The following ATXN3 variants were observed in gnomAD, a reference collection of about 807,000 sequenced individuals.
ATXN3 encodes ataxin 3.
ATXN3 carries 28 observed loss-of-function variants against 58.2 expected under a neutral mutation model. The observed-to-expected ratio is 0.48, with a 90% CI of 0.36 to 0.66. ATXN3 has a LOEUF of 0.66. Ranked by LOEUF, ATXN3 falls within the 30% of genes least tolerant of loss-of-function variation. ATXN3 has a pLI of 0.00. For missense variants in ATXN3, 321 were observed against 422.1 expected (o/e 0.76, Z 2.10); for synonymous variants, 113 against 138.5 (o/e 0.82, Z 1.29).
chr14:92,084,466 A>T (rs2062010723), intron 6 of ATXN3, among the ~76,000 whole-genome samples: 1 of 152,212 alleles, frequency 6.6e-6, no homozygotes, highest in African/African-American at 2.4e-5. Context: ...ACTGTGTCTA[A>T]ATATGATTCC....
chr14:92,067,378 C>A (rs1037072321), intron 10 of ATXN3, among the ~76,000 whole-genome samples: 9 of 152,068 alleles, frequency 5.9e-5, no homozygotes, highest in Non-Finnish European at 1.3e-4. Flanking sequence ...TCAGCCCCAC[C>A]CTTTCTCATC....
chr14:92,088,521 A>C (rs1170463859), intron 6 of ATXN3, among the ~76,000 whole-genome samples: 3 of 152,338 alleles, frequency 2.0e-5, no homozygotes, highest in South Asian at 2.1e-4. Context: ...CTGCAAAGAA[A>C]GCAGCATCCT....
In ATXN3 at chr14:92,089,021, C is replaced by CT. The variant is rs397942802; in HGVS notation, c.388-205dup. Among the ~76,000 whole-genome samples the CT allele has an allele frequency of 7.9e-3, 1,148 of 144,438 alleles. 11 individuals carry two copies. The highest frequency in any genetic ancestry group is 0.023 in the African/African-American group (928 of 39,686). The allele number at this position is 144,438 out of a possible 152,430, so 94.8% of individuals were successfully genotyped here. On this transcript the variant is annotated intron_variant, in intron 5 of 10. Coordinates refer to ENST00000644486, the MANE Select transcript of ATXN3 (RefSeq NM_004993.6). ...ACTGCAGATTTATCACTATTAAATA[C>CT]TTTTTTTTTTTTTTGAGAAGAGTCT...
rs1480478025 is a variant in ATXN3 at position 92,061,785 on chromosome 14, T to C, written c.*2535A>G. On this transcript the variant is annotated 3_prime_UTR_variant, in exon 11 of 11. Coordinates refer to ENST00000644486, the MANE Select transcript of ATXN3 (RefSeq NM_004993.6). ...TATGGTTACTTGCACTGGCATCTTTTCATACTGGCCAATCAATTAAGAAAT... is the reference window on the plus strand; with the variant it reads ...TATGGTTACTTGCACTGGCATCTTTCCATACTGGCCAATCAATTAAGAAAT... 1 of 152,254 alleles carries C rather than the reference T, an allele frequency of 6.6e-6. No homozygotes were observed. The highest frequency in any genetic ancestry group is 1.5e-5 in the Non-Finnish European group (1 of 68,048). The allele number at this position is 152,254 out of a possible 1,614,324, so 9.4% of individuals were successfully genotyped here.
intron 9 of ATXN3, 31 bp downstream of exon 9, chr14:92,080,933 CA>C: frequency 6.8e-7 from 1 of 1,481,138 alleles, no homozygotes. Context: ...AAATATTAAA[CA>C]TGCTACTTTA....
intron 9 of ATXN3, among the ~76,000 whole-genome samples, chr14:92,077,995 G>A (rs1432809093): frequency 6.9e-6 from 1 of 145,248 alleles, no homozygotes; most frequent in African/African-American, 2.6e-5. Flanking sequence ...TTTTTTTTGA[G>A]GCGGAGTTTC....
upstream of ATXN3, among the ~76,000 whole-genome samples, chr14:92,051,627 G>A (rs1320403623): frequency 6.5e-5 from 9 of 137,492 alleles, no homozygotes; most frequent in South Asian, 2.4e-4. Context: ...TTACTTCTGC[G>A]ATTTATTTTA....
chr14:92,048,951 G>A (rs1419805362), intron 1 of ATXN3, among the ~76,000 whole-genome samples: 2 of 152,178 alleles, frequency 1.3e-5, no homozygotes, highest in African/African-American at 2.4e-5. Flanking sequence ...GGAGGGACCA[G>A]TGTGTAAAAG....
intron 7 of ATXN3, 106 bp downstream of exon 7, chr14:92,083,020 T>C: frequency 7.4e-7 from 1 of 1,356,424 alleles, no homozygotes; most frequent in Non-Finnish European, 1.0e-6. Context: ...AGGTCCAAAA[T>C]AGAGTCGCCA....
intron 1 of ATXN3, chr14:92,048,223 A>C (rs900735204): frequency 2.5e-4 from 38 of 152,342 alleles, no homozygotes; most frequent in Admixed American, 2.5e-3. Flanking sequence ...GCTGCAGTTC[A>C]GGCATTTGGA....
chr14:92,090,630 C>T (rs2063572458), intron 5 of ATXN3: 1 of 151,788 alleles, frequency 6.6e-6, no homozygotes, highest in African/African-American at 2.4e-5. Context: ...TAAATTAGAA[C>T]CAAAGAAAAT....
intron 9 of ATXN3, among the ~76,000 whole-genome samples, chr14:92,072,470 A>G (rs1213346824): frequency 6.6e-6 from 1 of 152,242 alleles, no homozygotes; most frequent in African/African-American, 2.4e-5. Flanking sequence ...AGAGGTGCTC[A>G]GTGGAACACT....
At chr14:92,091,851 A>AG (rs2063898834) in intron 5 of ATXN3, among the ~76,000 whole-genome samples, 1 of 149,510 alleles carries the variant, frequency 6.7e-6, no homozygotes, top group Non-Finnish European at 1.5e-5. Context: ...ACGCCTAGCC[A>AG]ATTTTTTTTT....
At chr14:92,050,144 G>A (rs943520893), upstream of ATXN3, among the ~76,000 whole-genome samples, 5 of 33,968 alleles carry the variant, frequency 1.5e-4, no homozygotes, top group East Asian at 3.7e-3. Flanking sequence ...CTTTGCTCTC[G>A]TGTGTGTGTG....
intron 3 of ATXN3, among the ~76,000 whole-genome samples, chr14:92,095,886 G>A (rs2065095954): frequency 6.6e-6 from 1 of 151,870 alleles, no homozygotes; most frequent in African/African-American, 2.4e-5. Context: ...AGGCTACAGT[G>A]AGCCAAGATC....
In ATXN3 at chr14:92,082,391, ATCC is replaced by A. The variant is rs777522387; in HGVS notation, c.681_683del (p.Glu227del). The A allele has an allele frequency of 1.9e-6, 3 of 1,614,114 alleles. No individual in the cohort carries two copies. The highest frequency in any genetic ancestry group is 2.2e-5 in the South Asian group (2 of 91,080). ...GACTTAGTGCCAGAGCCCTCTGCAAATCCTCCTCATCTTCGTCTAACATTCCTG... is the reference window on the plus strand; with the variant it reads ...GACTTAGTGCCAGAGCCCTCTGCAAATCCTCATCTTCGTCTAACATTCCTG... On this transcript the variant is annotated inframe_deletion, in exon 8 of 11. Coordinates refer to ENST00000644486, the MANE Select transcript of ATXN3 (RefSeq NM_004993.6).
chr14:92,104,248 C>A (rs554334279), intron 1 of ATXN3, among the ~76,000 whole-genome samples: 2 of 152,204 alleles, frequency 1.3e-5, no homozygotes, highest in African/African-American at 2.4e-5. Flanking sequence ...TCAAGCAATT[C>A]TCCTGCCTCA....
At chr14:92,071,470 C>A (rs765747509) in intron 9 of ATXN3, 2 of 347,674 alleles carry the variant, frequency 5.8e-6, no homozygotes, top group Non-Finnish European at 1.1e-5. Flanking sequence ...GTGGCAGGCA[C>A]CTGTAATCCC....
chr14:92,061,775 T>C lies in ATXN3; in HGVS notation c.*2545A>G, dbSNP rs2057793922. On this transcript the variant is annotated 3_prime_UTR_variant, in exon 11 of 11. Coordinates refer to ENST00000644486, the MANE Select transcript of ATXN3 (RefSeq NM_004993.6). ...TTTTTGATACTATGGTTACTTGCAC[T>C]GGCATCTTTTCATACTGGCCAATCA... 1 of 152,232 alleles carries C rather than the reference T, an allele frequency of 6.6e-6. No individual in the cohort carries two copies. Among genetic ancestry groups the C allele is most frequent in the Admixed American group, 6.5e-5 (1 of 15,280 alleles). 9.4% of individuals were successfully genotyped at this position (152,232 alleles called of 1,614,324 possible). A position where few individuals can be genotyped will look rare whatever the true frequency, so the allele number is the denominator to read the frequency against.
Sources: gnomAD v4.1 joint callset for allele counts (sites outside exome capture counted in the v4.1 genomes callset) on GRCh38, gnomAD v4.1.1 for gene constraint, MANE v1.5 for transcripts, NCBI Gene and HGNC (gene_info 2026-07-23, HGNC 2026-07-21) for gene names.